The following NIPAL1 variants were observed in gnomAD, a reference collection of about 807,000 sequenced individuals.
NIPAL1 encodes magnesium transporter NIPA3.
In NIPAL1, 35 loss-of-function variants were observed where a neutral mutation model predicts 37.7. The ratio of observed to expected loss-of-function variants is 0.93; its 90% CI spans 0.71 to 1.23. The LOEUF (loss-of-function observed/expected upper bound fraction) is 1.23. Among genes scored for constraint, NIPAL1 ranks in the 50% most tolerant of loss-of-function variants. The pLI, the probability that NIPAL1 is intolerant of heterozygous loss-of-function variation, is 0.00. For synonymous variants in NIPAL1, 162 were observed against 183.0 expected (o/e 0.89, Z 0.93); for missense variants, 412 against 473.9 (o/e 0.87, Z 1.21).
rs930836590 is a variant in NIPAL1, at chr4:48,027,945, T to C, written c.314-2175T>C. Reference sequence around the variant, plus strand: ...ATTACTACCAATGTAATTTACTATTTATGTTTTCTGTTTTTAATTTTAACC... The same window carrying C: ...ATTACTACCAATGTAATTTACTATTCATGTTTTCTGTTTTTAATTTTAACC... On this transcript the variant is annotated intron_variant, in intron 2 of 5. Transcript: ENST00000295461. This position sits in a 1 kb window ranked among gnomAD's most constrained non-coding sequence, Gnocchi z 4.1. Among the ~76,000 whole-genome samples the C allele has an allele frequency of 6.6e-6, 1 of 152,238 alleles. No homozygotes were observed. The highest frequency in any genetic ancestry group is 2.4e-5 in the African/African-American group (1 of 41,464).
intron 3 of NIPAL1, among the ~76,000 whole-genome samples, chr4:48,031,000 G>A (rs1715807041): frequency 6.6e-6 from 1 of 152,164 alleles, no homozygotes; most frequent in African/African-American, 2.4e-5. Flanking sequence ...TTAATAAAGA[G>A]AATTTAAATA....
intron 1 of NIPAL1, among the ~76,000 whole-genome samples, chr4:48,021,500 T>G (rs557751831): frequency 6.6e-6 from 1 of 152,200 alleles, no homozygotes; most frequent in African/African-American, 2.4e-5. Context: ...ATTGTTCAGT[T>G]ATCATCAATT....
rs1023547471 is a variant in NIPAL1, at chr4:48,038,412, C to T, written c.*2240C>T. The stretch of plus-strand genomic sequence containing the variant: ...TGTAATTCCAACACTTTGGGGGGCT[C>T]AGGTGGGAGGATTTCTAGTCCCCAG... On this transcript the variant is annotated 3_prime_UTR_variant, in exon 6 of 6. Coordinates refer to ENST00000295461, the MANE Select transcript of NIPAL1 (RefSeq NM_207330.3). 2.0e-5 allele frequency: 3 copies of T among 151,974 alleles called. No individual in the cohort carries two copies. Among genetic ancestry groups the T allele is most frequent in the African/African-American group, 7.3e-5 (3 of 41,350 alleles). 9.4% of individuals were successfully genotyped at this position (151,974 alleles called of 1,614,324 possible).
In NIPAL1 at chr4:48,039,800, G is replaced by C. The variant is rs1378199269; in HGVS notation, c.*3628G>C. 1 of 152,170 alleles carries C rather than the reference G, an allele frequency of 6.6e-6. No individual in the cohort carries two copies. Among genetic ancestry groups the C allele is most frequent in the African/African-American group, 2.4e-5 (1 of 41,434 alleles). 9.4% of individuals were successfully genotyped at this position (152,170 alleles called of 1,614,324 possible). On this transcript the variant is annotated 3_prime_UTR_variant, in exon 6 of 6. Coordinates refer to ENST00000295461, the MANE Select transcript of NIPAL1 (RefSeq NM_207330.3). ...TCAACATTTGAATTCTTACAGTCTT[G>C]TCACTAGAGACTTAAAAGGACCATT... is the stretch of plus-strand genomic sequence containing the variant.
intron 1 of NIPAL1, among the ~76,000 whole-genome samples, chr4:48,024,406 G>C (rs1427674934): frequency 1.3e-5 from 2 of 151,996 alleles, no homozygotes; most frequent in Non-Finnish European, 2.9e-5. Flanking sequence ...AGCCTCCCGA[G>C]TAGCTTGGAC....
intron 2 of NIPAL1, among the ~76,000 whole-genome samples, chr4:48,026,135 A>T (rs1438430836): frequency 3.3e-5 from 5 of 152,106 alleles, no homozygotes; most frequent in Non-Finnish European, 7.4e-5. Context: ...TGACAGGTTT[A>T]CTTGCTTATT....
intron 2 of NIPAL1, among the ~76,000 whole-genome samples, 179 bp from the exon 3 acceptor site, chr4:48,029,940 TG>T (rs1323084611): frequency 2.0e-5 from 3 of 152,086 alleles, no homozygotes; most frequent in African/African-American, 4.8e-5. Context: ...CATTGTAAAT[TG>T]GGGGAAAAAA....
chr4:48,029,277 A>G (rs1270704455), intron 2 of NIPAL1, among the ~76,000 whole-genome samples: 1 of 152,206 alleles, frequency 6.6e-6, no homozygotes, highest in African/African-American at 2.4e-5. Context: ...TTGCAGCAAC[A>G]TGGACGGAAC....
At chr4:48,025,362 T>G in intron 2 of NIPAL1, 28 bp downstream of exon 2, 1 of 1,604,460 alleles carries the variant, frequency 6.2e-7, no homozygotes, top group Non-Finnish European at 8.5e-7. Flanking sequence ...CTAATGAATT[T>G]AAGTTTCTAA....
In NIPAL1 at chr4:48,036,279, A is replaced by G. The variant is rs1057133769; in HGVS notation, c.*107A>G. Reference sequence around the variant, plus strand: ...GGAAAGTTAGCATTTTTGCAGTTCTAACTAATTTAGATGTGAGGCCAAGTA... The same window carrying G: ...GGAAAGTTAGCATTTTTGCAGTTCTGACTAATTTAGATGTGAGGCCAAGTA... On this transcript the variant is annotated 3_prime_UTR_variant, in exon 6 of 6. Transcript: ENST00000295461. 17 of 1,122,362 alleles carry G rather than the reference A, an allele frequency of 1.5e-5. No individual in the cohort carries two copies. The highest frequency in any genetic ancestry group is 3.2e-5 in the African/African-American group (2 of 62,502). 69.5% of individuals were successfully genotyped at this position (1,122,362 alleles called of 1,614,324 possible).
At chr4:48,032,936 T>C in intron 3 of NIPAL1, 57 bp from the exon 4 acceptor site, 1 of 1,227,050 alleles carries the variant, frequency 8.1e-7, no homozygotes, top group South Asian at 1.2e-5. Context: ...GTCATTTGTT[T>C]TTCTCTTCTG....
At chr4:48,020,314 G>A (rs1424201358) in intron 1 of NIPAL1, among the ~76,000 whole-genome samples, 1 of 152,142 alleles carries the variant, frequency 6.6e-6, no homozygotes, top group Non-Finnish European at 1.5e-5. Flanking sequence ...AACCATGACA[G>A]GGGACAGGGA....
At chr4:48,017,840 C>CAT (rs1174184858) in intron 1 of NIPAL1, among the ~76,000 whole-genome samples, 1 of 142,576 alleles carries the variant, frequency 7.0e-6, no homozygotes, top group African/African-American at 2.6e-5. Context: ...TATATATACA[C>CAT]ATATATATAT....
At chr4:48,025,358 A>C (rs1197872315) in intron 2 of NIPAL1, 24 bp downstream of exon 2, 3 of 1,605,968 alleles carry the variant, frequency 1.9e-6, no homozygotes, top group Non-Finnish European at 2.6e-6. Context: ...GCAACTAATG[A>C]ATTTAAGTTT....
intron 1 of NIPAL1, among the ~76,000 whole-genome samples, chr4:48,020,825 A>C (rs1367648293): frequency 1.3e-5 from 2 of 152,242 alleles, no homozygotes; most frequent in Non-Finnish European, 2.9e-5. Flanking sequence ...TCACAGTAGA[A>C]TAGATGGTGA....
At chr4:48,024,391 T>A (rs4695326) in intron 1 of NIPAL1, among the ~76,000 whole-genome samples, 124,245 of 152,034 alleles carry the variant, frequency 0.82, 51,418 homozygotes, top group Non-Finnish European at 0.89. Flanking sequence ...CGATCCTCCC[T>A]CCTCAGCCTC....
At chr4:48,017,907 G>T (rs1715478688) in intron 1 of NIPAL1, among the ~76,000 whole-genome samples, 1 of 151,484 alleles carries the variant, frequency 6.6e-6, no homozygotes, top group African/African-American at 2.4e-5. Flanking sequence ...CCTTTGCAAA[G>T]GTGCTCGCAA....
At chr4:48,017,844 T>C (rs1470264217) in intron 1 of NIPAL1, among the ~76,000 whole-genome samples, 4 of 139,258 alleles carry the variant, frequency 2.9e-5, no homozygotes, top group East Asian at 2.0e-4. Context: ...TATACACATA[T>C]ATATATAGTT....
chr4:48,026,080 G>A (rs11733284), intron 2 of NIPAL1, among the ~76,000 whole-genome samples: 50,618 of 151,674 alleles, frequency 0.33, 8,689 homozygotes, highest in South Asian at 0.48. Context: ...TTCCCTCACC[G>A]TACCTAGGAT....
Sources: gnomAD v4.1 joint callset for allele counts (sites outside exome capture counted in the v4.1 genomes callset) on GRCh38, gnomAD v4.1.1 for gene constraint, Gnocchi (gnomAD v3.1) non-coding constraint, MANE v1.5 for transcripts, NCBI Gene and HGNC (gene_info 2026-07-23, HGNC 2026-07-21) for gene names.